UBE2O: variants seen among roughly 807,000 people sequenced by gnomAD.
UBE2O encodes ubiquitin conjugating enzyme E2 O, also known as (E3-independent) E2 ubiquitin-conjugating enzyme.
Under a neutral mutation model 125.8 loss-of-function variants are expected in UBE2O, and 15 were observed. The observed-to-expected ratio is 0.12, with a 90% CI of 0.08 to 0.18. UBE2O has a LOEUF of 0.18. Ranked by LOEUF, UBE2O falls within the 10% of genes least tolerant of loss-of-function variation. The pLI, the probability that UBE2O is intolerant of heterozygous loss-of-function variation, is 1.00. For missense variants in UBE2O, 1,280 were observed against 1,723.6 expected, an observed-to-expected ratio of 0.74 and a Z score of 4.56; for synonymous variants, 708 against 703.2, an observed-to-expected ratio of 1.01 and a Z score of -0.11.
At position 76,400,971 on chromosome 17, in the gene UBE2O, G is replaced by T. The variant is rs369169412; in HGVS notation, c.894+40C>A. Reference sequence around the variant, plus strand: ...CAGCAGCTCAGCTCCAGGGTGTGGAGGTCAAGGACTCCATCTCCTACCCTT... The same window carrying T: ...CAGCAGCTCAGCTCCAGGGTGTGGATGTCAAGGACTCCATCTCCTACCCTT... On this transcript the variant is annotated intron_variant, in intron 6 of 17. Transcript: ENST00000319380. This position sits in a 1 kb window ranked among gnomAD's most constrained non-coding sequence, Gnocchi z 4.3. 133 of 1,609,760 alleles carry T rather than the reference G, an allele frequency of 8.3e-5. No homozygotes were observed. The highest frequency in any genetic ancestry group is 1.1e-4 in the Non-Finnish European group (130 of 1,178,168).
chr17:76,439,916 C>T (rs2073052449), intron 1 of UBE2O, among the ~76,000 whole-genome samples: 1 of 152,220 alleles, frequency 6.6e-6, no homozygotes, highest in African/African-American at 2.4e-5. Context: ...GTGCATCAGT[C>T]ATTCACCCAC....
At chr17:76,418,139 TGAA>T (rs2072646442) in intron 1 of UBE2O, among the ~76,000 whole-genome samples, 1 of 152,118 alleles carries the variant, frequency 6.6e-6, no homozygotes, top group Non-Finnish European at 1.5e-5. Flanking sequence ...TGGGACGCCC[TGAA>T]GAAGGGATAA....
At position 76,395,965 on chromosome 17, in the gene UBE2O, C is replaced by T. The variant is rs1477291328; in HGVS notation, c.2810-104G>A. On this transcript the variant is annotated intron_variant, in intron 14 of 17. Coordinates refer to ENST00000319380, the MANE Select transcript of UBE2O (RefSeq NM_022066.4). The surrounding 1 kb of genome is among the most constrained non-coding windows in gnomAD (Gnocchi z 5.0). ...GCACACCCACAGACTTCCCACTCGC[C>T]GCTGCTGGCCTCAGCACTGTGACCA... is the stretch of plus-strand genomic sequence containing the variant. The T allele has an allele frequency of 1.2e-5, 19 of 1,551,198 alleles. No individual in the cohort carries two copies. The highest frequency in any genetic ancestry group is 4.5e-5 in the East Asian group (2 of 44,566).
rs752457692 is a variant in UBE2O at position 76,396,103 on chromosome 17, G to A, written c.2809+25C>T. The A allele has an allele frequency of 1.1e-5, 18 of 1,608,042 alleles. No homozygotes were observed. Among genetic ancestry groups the A allele is most frequent in the African/African-American group, 2.7e-5 (2 of 74,788 alleles). On this transcript the variant is annotated intron_variant, in intron 14 of 17. Coordinates refer to ENST00000319380, the MANE Select transcript of UBE2O (RefSeq NM_022066.4). This position sits in a 1 kb window ranked among gnomAD's most constrained non-coding sequence, Gnocchi z 6.7. ...GAGCCCCGAGAAGGCGGGGGAAGGCGAAGACCAGGCAAGGGCTGACTCACA... is the reference window on the plus strand; with the variant it reads ...GAGCCCCGAGAAGGCGGGGGAAGGCAAAGACCAGGCAAGGGCTGACTCACA...
chr17:76,447,946 T>C (rs560360509), intron 1 of UBE2O, among the ~76,000 whole-genome samples: 34 of 152,340 alleles, frequency 2.2e-4, no homozygotes, highest in African/African-American at 7.9e-4. Flanking sequence ...GCTACACTTC[T>C]GGTTATTCCA....
At chr17:76,448,017 A>C (rs530829750) in intron 1 of UBE2O, among the ~76,000 whole-genome samples, 91 of 152,322 alleles carry the variant, frequency 6.0e-4, no homozygotes, top group African/African-American at 2.0e-3. Context: ...CAGAGGGAGA[A>C]AATGAGGCAG....
rs1598576811 is a variant in UBE2O at position 76,391,701 on chromosome 17, C to T, written c.3208+55G>A. On this transcript the variant is annotated intron_variant, in intron 17 of 17. Transcript: ENST00000319380. This position sits in a 1 kb window ranked among gnomAD's most constrained non-coding sequence, Gnocchi z 8.4. ...CACCTGCCAGGGGGACTATCAGAGTCACTTTCCTCCACCGGCCCTCCCTTG... is the reference window on the plus strand; with the variant it reads ...CACCTGCCAGGGGGACTATCAGAGTTACTTTCCTCCACCGGCCCTCCCTTG... 6.2e-7 allele frequency: 1 copy of T among 1,609,066 alleles called. No homozygotes were observed. The highest frequency in any genetic ancestry group is 8.5e-7 in the Non-Finnish European group (1 of 1,176,976).
chr17:76,397,684 C>T (rs972373608), intron 13 of UBE2O, 115 bp downstream of exon 13: 26 of 1,037,254 alleles, frequency 2.5e-5, no homozygotes, highest in African/African-American at 1.6e-4. Flanking sequence ...CTCACGCTTT[C>T]GCTGAGATCT....
At chr17:76,415,795 C>CTCTGTGTGTG (rs1555607402) in intron 1 of UBE2O, among the ~76,000 whole-genome samples, 8,440 of 143,180 alleles carry the variant, frequency 0.059, 268 homozygotes, top group East Asian at 0.16. Flanking sequence ...CAGAGCAAGA[C>CTCTGTGTGTG]TGTGTGTGTG....
At chr17:76,443,293 A>T (rs565285327) in intron 1 of UBE2O, among the ~76,000 whole-genome samples, 176 of 151,562 alleles carry the variant, frequency 1.2e-3, no homozygotes, top group Non-Finnish European at 2.0e-3. Context: ...ATATATATAT[A>T]TATTTTTTTC....
chr17:76,450,915 C>T (rs1256369405), intron 1 of UBE2O, among the ~76,000 whole-genome samples: 5 of 152,230 alleles, frequency 3.3e-5, no homozygotes, highest in African/African-American at 7.2e-5. Context: ...CTACCACACC[C>T]GGCCGTTGTT....
In UBE2O at chr17:76,399,586, A is replaced by C; in HGVS notation, c.1491T>G (p.Ser497=). 1.2e-6 allele frequency: 2 copies of C among 1,614,220 alleles called. No individual in the cohort carries two copies. Among genetic ancestry groups the C allele is most frequent in the Non-Finnish European group, 1.7e-6 (2 of 1,180,034 alleles). ...DTDDTSSVTS[S]ASSTTSSQSG... The stretch of plus-strand genomic sequence containing the variant: ...TCTGGGAGGAAGTGGTGGAGCTGGC[A>C]GAGGAGGTCACCGAACTGGTGTCGT... The change falls in exon 9 of 18, where the codon TCT becomes TCG. Residue 497 remains serine (S), a synonymous_variant. Coordinates refer to ENST00000319380, the MANE Select transcript of UBE2O (RefSeq NM_022066.4). This position sits in a 1 kb window ranked among gnomAD's most constrained non-coding sequence, Gnocchi z 6.9.
chr17:76,418,012 A>G (rs1349572656), intron 1 of UBE2O, among the ~76,000 whole-genome samples: 2 of 152,040 alleles, frequency 1.3e-5, no homozygotes, highest in Admixed American at 1.3e-4. Flanking sequence ...GATGAGGTTC[A>G]ATGCTCTTCA....
intron 1 of UBE2O, among the ~76,000 whole-genome samples, chr17:76,439,903 T>C (rs1415330708): frequency 6.6e-6 from 1 of 152,320 alleles, no homozygotes; most frequent in East Asian, 1.9e-4. Flanking sequence ...CTCGCTCCCT[T>C]ATGTGCATCA....
intron 15 of UBE2O, among the ~76,000 whole-genome samples, chr17:76,394,843 C>T (rs1353417885): frequency 1.3e-5 from 2 of 151,872 alleles, no homozygotes; most frequent in Non-Finnish European, 2.9e-5. Context: ...GAAAAGTAGG[C>T]TTGAGGAGTA....
intron 1 of UBE2O, among the ~76,000 whole-genome samples, chr17:76,413,898 G>C (rs1233662293): frequency 6.6e-6 from 1 of 152,204 alleles, no homozygotes; most frequent in Non-Finnish European, 1.5e-5. Context: ...GCAGAAAATG[G>C]GGCCTCCTGT....
At chr17:76,414,009 T>G (rs1162331668) in intron 1 of UBE2O, among the ~76,000 whole-genome samples, 1 of 152,192 alleles carries the variant, frequency 6.6e-6, no homozygotes, top group Non-Finnish European at 1.5e-5. Flanking sequence ...GGTGCCAGTG[T>G]AAGGACTTTC....
rs554369346 is a variant in UBE2O at position 76,416,003 on chromosome 17, G to A, written c.418-10431C>T. On this transcript the variant is annotated intron_variant, in intron 1 of 17. Transcript: ENST00000319380. The stretch of plus-strand genomic sequence containing the variant: ...TACATATGCACATACACGTATATAC[G>A]TATGTGTATACATATGTACACACAC... Among the ~76,000 whole-genome samples, 22 of 144,046 alleles carry A rather than the reference G, an allele frequency of 1.5e-4. No individual in the cohort carries two copies. The East Asian group carries it at 3.1e-3, about 21-fold the overall frequency. The allele number at this position is 144,046 out of a possible 152,430, so 94.5% of individuals were successfully genotyped here. A position where few individuals can be genotyped will look rare whatever the true frequency, so the allele number is the denominator to read the frequency against.
intron 1 of UBE2O, among the ~76,000 whole-genome samples, chr17:76,450,055 C>T (rs961133613): frequency 6.6e-6 from 1 of 150,790 alleles, no homozygotes; most frequent in Admixed American, 6.6e-5. Flanking sequence ...AGACCCCATC[C>T]CAAAAATAAT....
Sources: allele counts gnomAD v4.1 joint callset (sites outside exome capture counted in the v4.1 genomes callset), GRCh38; gene constraint gnomAD v4.1.1; non-coding constraint Gnocchi (gnomAD v3.1); transcripts MANE v1.5; gene names NCBI Gene and HGNC (gene_info 2026-07-23, HGNC 2026-07-21).